ANO10: variants seen among roughly 807,000 people sequenced by gnomAD.
The protein encoded by ANO10 is anoctamin 10, also known as anoctamin-10.
Under a neutral mutation model 74.7 loss-of-function variants are expected in ANO10, and 77 were observed. The observed-to-expected ratio is 1.03, with a 90% CI of 0.86 to 1.25. ANO10 has a LOEUF of 1.25. Ranked by LOEUF, ANO10 falls within the 50% of genes most tolerant of loss-of-function variation. The pLI is 0.00. For missense variants in ANO10, 721 were observed against 778.1 expected, an observed-to-expected ratio of 0.93 and a Z score of 0.87; for synonymous variants, 279 against 284.9, an observed-to-expected ratio of 0.98 and a Z score of 0.21.
chr3:43,451,430 G>A (rs372031630), intron 11 of ANO10, among the ~76,000 whole-genome samples: 14 of 152,208 alleles, frequency 9.2e-5, no homozygotes, highest in Admixed American at 2.6e-4. Context: ...CTGTTCAATC[G>A]GCTTCCTTTC....
chr3:43,523,656 G>C (rs924063828), intron 11 of ANO10, among the ~76,000 whole-genome samples: 14 of 152,220 alleles, frequency 9.2e-5, no homozygotes, highest in African/African-American at 3.1e-4. Context: ...GTTATGACTA[G>C]ATGGATGGTG....
chr3:43,690,979 G>C (rs1049863153), intron 1 of ANO10: 1 of 1,572,446 alleles, frequency 6.4e-7, no homozygotes, highest in Non-Finnish European at 8.6e-7. Flanking sequence ...CCCGGCGCTT[G>C]CGCGGCGGCG....
intron 11 of ANO10, among the ~76,000 whole-genome samples, chr3:43,443,966 G>A (rs925081061): frequency 2.0e-5 from 3 of 152,114 alleles, no homozygotes; most frequent in Non-Finnish European, 4.4e-5. Context: ...ACAGGCATGA[G>A]TCACTGCACC....
chr3:43,589,892 G>T (rs369038472), intron 4 of ANO10, among the ~76,000 whole-genome samples: 1 of 152,084 alleles, frequency 6.6e-6, no homozygotes, highest in Non-Finnish European at 1.5e-5. Flanking sequence ...AAATAAAAAA[G>T]CAAGGTCCAA....
intron 1 of ANO10, among the ~76,000 whole-genome samples, chr3:43,667,236 G>A (rs548866174): frequency 1.3e-4 from 20 of 151,736 alleles, no homozygotes; most frequent in Non-Finnish European, 1.9e-4. Flanking sequence ...AATTACAGGC[G>A]TGTGCCACCA....
chr3:43,618,703 T>C (rs2083241487), intron 1 of ANO10, among the ~76,000 whole-genome samples: 1 of 152,176 alleles, frequency 6.6e-6, no homozygotes, highest in Admixed American at 6.5e-5. Flanking sequence ...AAAGAGATAA[T>C]AAGCATGGAT....
At chr3:43,543,120 C>T (rs1472598956) in intron 11 of ANO10, among the ~76,000 whole-genome samples, 1 of 152,138 alleles carries the variant, frequency 6.6e-6, no homozygotes, top group Admixed American at 6.5e-5. Flanking sequence ...ATAAATCTCT[C>T]TCTCTTCTCT....
chr3:43,481,319 G>C (rs773407609), intron 11 of ANO10, among the ~76,000 whole-genome samples: 7 of 152,056 alleles, frequency 4.6e-5, no homozygotes, highest in Non-Finnish European at 8.8e-5. Context: ...GAATTTGCTT[G>C]GTCAACTGTA....
In ANO10 at chr3:43,496,339, T is replaced by C. The variant is rs541617955; in HGVS notation, c.1797+53381A>G. Among the ~76,000 whole-genome samples the C allele has an allele frequency of 3.7e-4, 57 of 152,342 alleles. 1 individual carries two copies. Among genetic ancestry groups the C allele is most frequent in the African/African-American group, 1.3e-3 (54 of 41,576 alleles). On this transcript the variant is annotated intron_variant, in intron 11 of 12. Coordinates refer to ENST00000292246, the MANE Select transcript of ANO10 (RefSeq NM_018075.5). ...TATATATTGACATATGCAACCCCAT[T>C]GTAGCCATGACAAACATGGTACCCT...
At chr3:43,654,681 C>T (rs548941399) in intron 1 of ANO10, among the ~76,000 whole-genome samples, 1 of 152,308 alleles carries the variant, frequency 6.6e-6, no homozygotes, top group Admixed American at 6.5e-5. Flanking sequence ...ACTCTGACTT[C>T]TCCAGCCAGA....
At chr3:43,686,583 G>A (rs2084277741) in intron 1 of ANO10, among the ~76,000 whole-genome samples, 2 of 152,180 alleles carry the variant, frequency 1.3e-5, no homozygotes, top group African/African-American at 4.8e-5. Context: ...ACCACACCCA[G>A]CCCAAACTCT....
At chr3:43,503,166 T>G (rs2077161928) in intron 11 of ANO10, among the ~76,000 whole-genome samples, 1 of 152,188 alleles carries the variant, frequency 6.6e-6, no homozygotes, top group Non-Finnish European at 1.5e-5. Context: ...CAGTTATGGA[T>G]GTAGTGATCC....
intron 12 of ANO10, among the ~76,000 whole-genome samples, chr3:43,391,022 C>T (rs759168662): frequency 3.3e-5 from 5 of 151,992 alleles, no homozygotes; most frequent in African/African-American, 4.8e-5. Flanking sequence ...TCCTGAATAC[C>T]CTCACTCAGA....
At chr3:43,535,626 A>G (rs961848462) in intron 11 of ANO10, among the ~76,000 whole-genome samples, 2 of 152,100 alleles carry the variant, frequency 1.3e-5, no homozygotes, top group Non-Finnish European at 2.9e-5. Context: ...TTTTAGTATG[A>G]GCTCCTTATT....
chr3:43,425,327 C>A (rs1364661484), intron 12 of ANO10, among the ~76,000 whole-genome samples: 2 of 151,170 alleles, frequency 1.3e-5, no homozygotes, highest in South Asian at 2.1e-4. Context: ...CTGTGCCCAG[C>A]CTCTATTTAC....
At chr3:43,412,553 G>A (rs1038005426) in intron 12 of ANO10, among the ~76,000 whole-genome samples, 2 of 152,128 alleles carry the variant, frequency 1.3e-5, no homozygotes, top group African/African-American at 4.8e-5. Flanking sequence ...TGGCACTTCC[G>A]AAGCAACTGC....
intron 1 of ANO10, chr3:43,691,094 G>C: frequency 6.7e-7 from 1 of 1,490,228 alleles, no homozygotes; most frequent in Non-Finnish European, 8.9e-7. Context: ...CCTCCGCGCG[G>C]GCCGGGTTAG....
chr3:43,426,184 G>A (rs1209173878), intron 12 of ANO10, among the ~76,000 whole-genome samples: 1 of 151,454 alleles, frequency 6.6e-6, no homozygotes, highest in African/African-American at 2.4e-5. Context: ...TGTAACTTCT[G>A]TCTCCCTAAA....
intron 12 of ANO10, among the ~76,000 whole-genome samples, chr3:43,429,898 C>A (rs1472815473): frequency 1.3e-5 from 2 of 152,096 alleles, no homozygotes; most frequent in African/African-American, 4.8e-5. Flanking sequence ...ACAACCATTA[C>A]CCTAGTAAGG....
Sources: gnomAD v4.1 joint callset for allele counts (sites outside exome capture counted in the v4.1 genomes callset) on GRCh38, gnomAD v4.1.1 for gene constraint, MANE v1.5 for transcripts, NCBI Gene and HGNC (gene_info 2026-07-23, HGNC 2026-07-21) for gene names.